Variants in GARRE1 observed in about 807,000 individuals in gnomAD.
GARRE1 encodes the protein granule associated Rac and RHOG effector 1, also known as granule associated Rac and RHOG effector protein 1.
In GARRE1, 49 loss-of-function variants were observed where a neutral mutation model predicts 103.2. The ratio of observed to expected loss-of-function variants is 0.47; its 90% CI spans 0.38 to 0.60. The LOEUF (loss-of-function observed/expected upper bound fraction) is 0.60. Ranked by LOEUF, GARRE1 falls within the 20% of genes least tolerant of loss-of-function variation. The pLI is 0.00. For synonymous variants in GARRE1, 505 were observed against 532.8 expected (o/e 0.95, Z 0.72); for missense variants, 1,199 against 1,370.5 (o/e 0.87, Z 1.98).
At chr19:34,338,277 C>T (rs771318891) in intron 8 of GARRE1, among the ~76,000 whole-genome samples, 9 of 152,154 alleles carry the variant, frequency 5.9e-5, no homozygotes, top group South Asian at 2.1e-4. Flanking sequence ...GGCTCACACC[C>T]GTAATCCTAG....
At chr19:34,320,733 T>A (rs1056319708) in intron 3 of GARRE1, among the ~76,000 whole-genome samples, 1 of 151,370 alleles carries the variant, frequency 6.6e-6, no homozygotes, top group African/African-American at 2.4e-5. Context: ...TTTTCTTTTT[T>A]TTTTTTGAGA....
rs915087285 is a variant in GARRE1 at position 34,300,282 on chromosome 19, A to G, written c.-192A>G. ...TTTGTCAGAGATCCTGTCTACACTG[A>G]AAATATTAATTATATAAACCTGTTG... is the stretch of plus-strand genomic sequence containing the variant. On this transcript the variant is annotated 5_prime_UTR_variant, in exon 2 of 14. The change abolishes the stop of an existing upstream ORF in the 5' untranslated region. Transcript: ENST00000299505. The G allele has an allele frequency of 2.0e-6, 1 of 510,706 alleles. No individual in the cohort carries two copies. The highest frequency in any genetic ancestry group is 3.3e-6 in the Non-Finnish European group (1 of 301,722). 31.6% of individuals were successfully genotyped at this position (510,706 alleles called of 1,614,324 possible).
chr19:34,297,626 G>T (rs1340277381), intron 1 of GARRE1, among the ~76,000 whole-genome samples: 1 of 152,160 alleles, frequency 6.6e-6, no homozygotes, highest in African/African-American at 2.4e-5. Context: ...TCCTTCAGAG[G>T]CCACAGAGTC....
intron 2 of GARRE1, among the ~76,000 whole-genome samples, chr19:34,312,165 A>G (rs1053980225): frequency 6.6e-6 from 1 of 152,006 alleles, no homozygotes; most frequent in African/African-American, 2.4e-5. Flanking sequence ...ACCTGATTCT[A>G]ATTAAGTGGA....
At chr19:34,264,414 G>A (rs1053992696) in intron 1 of GARRE1, among the ~76,000 whole-genome samples, 5 of 150,526 alleles carry the variant, frequency 3.3e-5, no homozygotes, top group Non-Finnish European at 5.9e-5. Context: ...TTTTTTGGAG[G>A]GGGGGACGGA....
chr19:34,283,742 G>C (rs988539715), intron 1 of GARRE1, among the ~76,000 whole-genome samples: 2 of 151,994 alleles, frequency 1.3e-5, no homozygotes, highest in Non-Finnish European at 2.9e-5. Flanking sequence ...ATTTTCTTAG[G>C]ATGGCTGACC....
At chr19:34,316,493 G>A (rs1341462440) in intron 2 of GARRE1, among the ~76,000 whole-genome samples, 4 of 152,174 alleles carry the variant, frequency 2.6e-5, no homozygotes, top group African/African-American at 9.7e-5. Context: ...AGGAGAGTGG[G>A]GTCTGTTTCA....
At chr19:34,327,694 G>C (rs943030400) in intron 4 of GARRE1, 77 bp from the exon 5 acceptor site, 1 of 1,478,064 alleles carries the variant, frequency 6.8e-7, no homozygotes, top group African/African-American at 1.4e-5. Context: ...AGAAATTTAA[G>C]ATTTCTATTT....
chr19:34,347,853 G>A (rs747622697), intron 10 of GARRE1, 24 bp from the exon 11 acceptor site: 1 of 1,498,780 alleles, frequency 6.7e-7, no homozygotes, highest in South Asian at 1.3e-5. Flanking sequence ...CCCAAACCCG[G>A]TTTATTCCTT....
At chr19:34,297,530 A>T (rs1361176598) in intron 1 of GARRE1, among the ~76,000 whole-genome samples, 1 of 152,204 alleles carries the variant, frequency 6.6e-6, no homozygotes, top group African/African-American at 2.4e-5. Context: ...TAGAGGAACT[A>T]GGAAGCTGGT....
rs571647325 is a variant in GARRE1 at position 34,352,532 on chromosome 19, T to A, written c.2905-115T>A. ...GTTCTGTTGGACAGGGGTGTGGGAGTGAGTGGGGCTCTCACCCGGCTTCCT... is the reference window on the plus strand; with the variant it reads ...GTTCTGTTGGACAGGGGTGTGGGAGAGAGTGGGGCTCTCACCCGGCTTCCT... On this transcript the variant is annotated intron_variant, in intron 13 of 13. Transcript: ENST00000299505. The A allele has an allele frequency of 1.1e-5, 9 of 805,280 alleles. No individual in the cohort carries two copies. The East Asian group carries it at 2.0e-4, about 18-fold the overall frequency. 49.9% of individuals were successfully genotyped at this position (805,280 alleles called of 1,614,324 possible). A position where few individuals can be genotyped will look rare whatever the true frequency, so the allele number is the denominator to read the frequency against.
intron 1 of GARRE1, among the ~76,000 whole-genome samples, chr19:34,271,840 C>A (rs1004446895): frequency 1.5e-4 from 23 of 151,052 alleles, no homozygotes; most frequent in Non-Finnish European, 2.8e-4. Flanking sequence ...AAAACAAAAA[C>A]AAAAACAAAA....
chr19:34,302,051 TG>T (rs1452776624), intron 2 of GARRE1, among the ~76,000 whole-genome samples: 2 of 133,796 alleles, frequency 1.5e-5, no homozygotes, highest in Non-Finnish European at 3.1e-5. Flanking sequence ...AGTGCAATAG[TG>T]CAATCTTGGC....
intron 1 of GARRE1, among the ~76,000 whole-genome samples, chr19:34,261,360 CGTT>C (rs1423434269): frequency 6.6e-6 from 1 of 152,092 alleles, no homozygotes; most frequent in Non-Finnish European, 1.5e-5. Flanking sequence ...TATTAGCTCT[CGTT>C]GGTATTCATA....
chr19:34,341,559 G>A lies in GARRE1; in HGVS notation c.1625G>A (p.Arg542Gln), dbSNP rs572214825. 1.6e-5 allele frequency: 26 copies of A among 1,613,954 alleles called. No individual in the cohort carries two copies. The South Asian group carries it at 1.8e-4, about 11-fold the overall frequency. The change falls in exon 10 of 14, where the codon CGG becomes CAG. Residue 542 changes from arginine to glutamine, a missense_variant. By Grantham distance (43) the Arg-to-Gln change is conservative. Coordinates refer to ENST00000299505, the MANE Select transcript of GARRE1 (RefSeq NM_014686.5). ...AAGACATTCTCCAAACTGACATCCC[G>A]GTTCACCAAGAAAGCTTCATGTACC... ...LQKTFSKLTS[R>Q]FTKKASCTSS...
chr19:34,296,656 A>G (rs1325053355), intron 1 of GARRE1: 3 of 960,050 alleles, frequency 3.1e-6, no homozygotes, highest in African/African-American at 1.6e-5. Context: ...AGAGATTTGT[A>G]TCTTTGTGAT....
At chr19:34,302,801 G>A (rs2965344) in intron 2 of GARRE1, among the ~76,000 whole-genome samples, 149,321 of 149,776 alleles carry the variant, frequency 1, 74,443 homozygotes, top group Middle Eastern at 1. Context: ...CTGAAGTGCA[G>A]TGGCACTATC....
intron 1 of GARRE1, among the ~76,000 whole-genome samples, chr19:34,297,090 C>T (rs1014312989): frequency 2.6e-5 from 4 of 152,106 alleles, no homozygotes; most frequent in South Asian, 2.1e-4. Flanking sequence ...AGTTTGAGAC[C>T]GGCCTGGCCA....
At chr19:34,337,293 G>C (rs138299710) in intron 8 of GARRE1, among the ~76,000 whole-genome samples, 4 of 152,320 alleles carry the variant, frequency 2.6e-5, no homozygotes, top group African/African-American at 9.6e-5. Context: ...GAATAGAGAA[G>C]GGGGAGACAG....
Sources: allele counts gnomAD v4.1 joint callset (sites outside exome capture counted in the v4.1 genomes callset), GRCh38; gene constraint gnomAD v4.1.1; transcripts MANE v1.5; gene names NCBI Gene and HGNC (gene_info 2026-07-23, HGNC 2026-07-21).